CTNNA2: variants seen among roughly 807,000 people sequenced by gnomAD.
CTNNA2 encodes catenin alpha-2.
CTNNA2 carries 42 observed loss-of-function variants against 101.0 expected under a neutral mutation model. The observed-to-expected ratio is 0.42, with a 90% CI of 0.32 to 0.54. The LOEUF is 0.54. Among genes scored for constraint, CTNNA2 ranks in the 20% least tolerant of loss-of-function variants. The pLI is 0.14. For missense variants in CTNNA2, 871 were observed against 1,223.1 expected, an observed-to-expected ratio of 0.71 and a Z score of 4.29; for synonymous variants, 450 against 456.4, an observed-to-expected ratio of 0.99 and a Z score of 0.18.
chr2:79,708,600 T>C (rs1441112987), intron 2 of CTNNA2, among the ~76,000 whole-genome samples: 2 of 152,172 alleles, frequency 1.3e-5, no homozygotes, highest in African/African-American at 2.4e-5. Flanking sequence ...TGTACATACC[T>C]TTACATACTA....
intron 18 of CTNNA2, among the ~76,000 whole-genome samples, chr2:80,642,399 T>C (rs994500660): frequency 2.0e-5 from 3 of 152,190 alleles, no homozygotes; most frequent in African/African-American, 7.2e-5. Context: ...TTTCTCATTG[T>C]ATTGTGAGCT....
At chr2:80,620,202 T>C (rs1245397689) in intron 18 of CTNNA2, among the ~76,000 whole-genome samples, 1 of 151,780 alleles carries the variant, frequency 6.6e-6, no homozygotes, top group Non-Finnish European at 1.5e-5. Flanking sequence ...GATGAAAGCA[T>C]CCTGGTGTGG....
intron 4 of CTNNA2, among the ~76,000 whole-genome samples, chr2:79,490,197 C>A (rs928981236): frequency 3.3e-5 from 5 of 152,192 alleles, no homozygotes; most frequent in East Asian, 3.8e-4. Context: ...CAATTTCTTG[C>A]TCTTTTAACC....
At chr2:79,881,902 C>T (rs1045351938) in intron 6 of CTNNA2, among the ~76,000 whole-genome samples, 12 of 149,360 alleles carry the variant, frequency 8.0e-5, no homozygotes, top group South Asian at 2.2e-4. Context: ...TTCATAGAGT[C>T]GTTGGCCTTT....
intron 7 of CTNNA2, among the ~76,000 whole-genome samples, chr2:80,094,004 G>T (rs1445047829): frequency 2.6e-5 from 4 of 152,042 alleles, no homozygotes; most frequent in Admixed American, 2.6e-4. Flanking sequence ...AAGCTCTTTA[G>T]TTTAATTAGA....
chr2:79,360,297 C>T (rs540155577), intron 3 of CTNNA2, among the ~76,000 whole-genome samples: 1 of 152,210 alleles, frequency 6.6e-6, no homozygotes, highest in African/African-American at 2.4e-5. Context: ...AGAAGTGGGT[C>T]TGGAAAGATG....
intron 7 of CTNNA2, among the ~76,000 whole-genome samples, chr2:79,994,784 A>C (rs1371050424): frequency 1.3e-5 from 2 of 152,086 alleles, no homozygotes; most frequent in Non-Finnish European, 2.9e-5. Context: ...TCTTGTGCTT[A>C]ACATCTGCTC....
At chr2:79,546,336 T>C (rs1053381031) in intron 1 of CTNNA2, among the ~76,000 whole-genome samples, 2 of 152,128 alleles carry the variant, frequency 1.3e-5, no homozygotes, top group African/African-American at 4.8e-5. Context: ...GAACTGTAAC[T>C]CCAACCTAAA....
At chr2:79,646,814 C>G (rs1385941424) in intron 1 of CTNNA2, among the ~76,000 whole-genome samples, 1 of 152,158 alleles carries the variant, frequency 6.6e-6, no homozygotes, top group Admixed American at 6.5e-5. Flanking sequence ...CAGGCATGAG[C>G]CACTGTGCCC....
rs1553408185 is a variant in CTNNA2 at position 79,393,627 on chromosome 2, A to AG, written c.-135+19615dup. ...GTAGGATAAAAGAAGATGTTCACAG[A>AG]GAAAAAAAAAAAAAAAAAAAAGCTG... On this transcript the variant is annotated intron_variant, in intron 4 of 21. Coordinates refer to the CTNNA2 transcript ENST00000466387. Among the ~76,000 whole-genome samples, 1,020 of 105,698 alleles carry AG rather than the reference A, an allele frequency of 9.7e-3. 8 individuals carry two copies. Among genetic ancestry groups the AG allele is most frequent in the Non-Finnish European group, 0.013 (712 of 53,722 alleles). The allele number at this position is 105,698 out of a possible 152,430, so 69.3% of individuals were successfully genotyped here. A position where few individuals can be genotyped will look rare whatever the true frequency, so the allele number is the denominator to read the frequency against.
chr2:79,951,182 C>T (rs911638913), intron 7 of CTNNA2, among the ~76,000 whole-genome samples: 2 of 152,112 alleles, frequency 1.3e-5, no homozygotes, highest in Non-Finnish European at 2.9e-5. Flanking sequence ...AGTCTATTAT[C>T]CATTCTCCTG....
intron 1 of CTNNA2, among the ~76,000 whole-genome samples, chr2:79,536,579 G>GTGTGTGTGTGTGTGTGTGTA (rs1673080544): frequency 6.6e-6 from 1 of 151,440 alleles, no homozygotes; most frequent in Non-Finnish European, 1.5e-5. Context: ...AAAGAAGTGT[G>GTGTGTGTGTGTGTGTGTGTA]TGTGTGTGTG....
intron 12 of CTNNA2, among the ~76,000 whole-genome samples, chr2:80,564,509 GTTTTT>G (rs70940087): frequency 7.1e-6 from 1 of 141,384 alleles, no homozygotes; most frequent in Non-Finnish European, 1.5e-5. Flanking sequence ...AATTTAGAGA[GTTTTT>G]TTTTTTTTTT....
intron 7 of CTNNA2, among the ~76,000 whole-genome samples, chr2:79,968,462 A>G (rs973471262): frequency 1.3e-5 from 2 of 152,188 alleles, no homozygotes; most frequent in Non-Finnish European, 2.9e-5. Flanking sequence ...TTTTCTCCAT[A>G]TGGAGCAAAA....
At chr2:79,521,471 G>A (rs1173415275) in intron 1 of CTNNA2, among the ~76,000 whole-genome samples, 1 of 151,990 alleles carries the variant, frequency 6.6e-6, no homozygotes, top group Non-Finnish European at 1.5e-5. Context: ...GGCCAGCACT[G>A]AATCACATGG....
intron 7 of CTNNA2, among the ~76,000 whole-genome samples, chr2:79,982,598 T>G (rs984707133): frequency 1.3e-5 from 2 of 151,768 alleles, no homozygotes; most frequent in African/African-American, 4.8e-5. Context: ...TGTTAATTGC[T>G]CTTTGCTTCC....
intron 4 of CTNNA2, among the ~76,000 whole-genome samples, chr2:79,393,875 C>A (rs1678201063): frequency 6.6e-6 from 1 of 152,150 alleles, no homozygotes; most frequent in Non-Finnish European, 1.5e-5. Flanking sequence ...TCCAACCCTG[C>A]AGGGCTGCCT....
intron 7 of CTNNA2, among the ~76,000 whole-genome samples, chr2:79,942,948 G>C (rs956144580): frequency 7.2e-5 from 11 of 152,182 alleles, no homozygotes; most frequent in Non-Finnish European, 1.3e-4. Flanking sequence ...TGAGCATGGT[G>C]GCTTATGCCT....
At chr2:79,746,765 A>G (rs1671680009) in intron 3 of CTNNA2, among the ~76,000 whole-genome samples, 1 of 152,196 alleles carries the variant, frequency 6.6e-6, no homozygotes, top group Admixed American at 6.5e-5. Context: ...GGGAAACTTT[A>G]TCTGAAACTC....
Sources: allele counts gnomAD v4.1 joint callset (sites outside exome capture counted in the v4.1 genomes callset), GRCh38; gene constraint gnomAD v4.1.1; transcripts MANE v1.5; gene names NCBI Gene and HGNC (gene_info 2026-07-23, HGNC 2026-07-21).